The following PXDNL variants were observed in gnomAD, a reference collection of about 807,000 sequenced individuals.
PXDNL encodes probable oxidoreductase PXDNL.
PXDNL carries 145 observed loss-of-function variants against 150.8 expected under a neutral mutation model. The observed-to-expected ratio is 0.96, with a 90% CI of 0.84 to 1.10. PXDNL has a LOEUF of 1.10. Among genes scored for constraint, PXDNL ranks in the 50% least tolerant of loss-of-function variants. The pLI is 0.00. For synonymous variants in PXDNL, 757 were observed against 725.7 expected (o/e 1.04, Z -0.69); for missense variants, 2,087 against 1,873.9 (o/e 1.11, Z -2.10).
intron 1 of PXDNL, among the ~76,000 whole-genome samples, chr8:51,662,413 GA>G (rs1423899138): frequency 1.3e-5 from 2 of 152,292 alleles, no homozygotes; most frequent in Admixed American, 6.5e-5. Context: ...AGCTACTTGG[GA>G]GGCTGAGGCA....
At chr8:51,793,282 TAAC>T (rs1474167412) in intron 1 of PXDNL, among the ~76,000 whole-genome samples, 1 of 151,870 alleles carries the variant, frequency 6.6e-6, no homozygotes, top group Non-Finnish European at 1.5e-5. Flanking sequence ...AAAGCAACAA[TAAC>T]AACAACAGCA....
chr8:51,522,452 TTATAG>T (rs1253457070), intron 4 of PXDNL, among the ~76,000 whole-genome samples: 2 of 152,264 alleles, frequency 1.3e-5, no homozygotes, highest in South Asian at 2.1e-4. Context: ...ATTGAAAAAC[TTATAG>T]TAGAGTAGAG....
chr8:51,765,678 TATC>T (rs1370512583), intron 1 of PXDNL, among the ~76,000 whole-genome samples: 8 of 152,172 alleles, frequency 5.3e-5, no homozygotes, highest in Admixed American at 2.6e-4. Context: ...TATTAATTTG[TATC>T]ATATTTCATT....
chr8:51,702,760 T>G (rs1037035142), intron 1 of PXDNL, among the ~76,000 whole-genome samples: 2 of 152,202 alleles, frequency 1.3e-5, no homozygotes, highest in Non-Finnish European at 2.9e-5. Context: ...AGAACTGTAC[T>G]TAGAGCATCA....
At chr8:51,446,555 T>G (rs893001884) in intron 12 of PXDNL, among the ~76,000 whole-genome samples, 10 of 152,162 alleles carry the variant, frequency 6.6e-5, no homozygotes, top group Non-Finnish European at 8.8e-5. Flanking sequence ...ACAATATATA[T>G]TATGTAGGAT....
At chr8:51,578,670 GA>G (rs200549632) in intron 3 of PXDNL, among the ~76,000 whole-genome samples, 2 of 151,074 alleles carry the variant, frequency 1.3e-5, no homozygotes, top group Non-Finnish European at 3.0e-5. Flanking sequence ...TAAAAATTTT[GA>G]AAAAAAATAA....
chr8:51,465,098 C>T (rs1810175153), intron 8 of PXDNL, among the ~76,000 whole-genome samples: 1 of 151,904 alleles, frequency 6.6e-6, no homozygotes, highest in Non-Finnish European at 1.5e-5. Flanking sequence ...AGAGACACAA[C>T]AAAAAAGGAA....
At chr8:51,597,382 G>T (rs1813592974) in intron 2 of PXDNL, among the ~76,000 whole-genome samples, 5 of 151,976 alleles carry the variant, frequency 3.3e-5, no homozygotes, top group Admixed American at 3.3e-4. Flanking sequence ...TTTGGTTTTT[G>T]GAGGTATTTA....
chr8:51,655,110 T>C (rs957318562), intron 1 of PXDNL, among the ~76,000 whole-genome samples: 8 of 152,196 alleles, frequency 5.3e-5, no homozygotes, highest in Non-Finnish European at 1.0e-4. Context: ...GTTGAGTACA[T>C]TTAGTTTGGA....
At chr8:51,367,317 A>C (rs1413816445) in intron 19 of PXDNL, among the ~76,000 whole-genome samples, 1 of 151,934 alleles carries the variant, frequency 6.6e-6, no homozygotes. Context: ...AAAACCAAAA[A>C]CCATGGAAAA....
intron 12 of PXDNL, among the ~76,000 whole-genome samples, chr8:51,438,462 A>C (rs761977157): frequency 6.6e-6 from 1 of 152,330 alleles, no homozygotes; most frequent in Middle Eastern, 3.4e-3. Flanking sequence ...TTATAAAAAT[A>C]GGCACATATT....
At chr8:51,350,936 C>A (rs2130718876) in intron 19 of PXDNL, among the ~76,000 whole-genome samples, 1 of 152,278 alleles carries the variant, frequency 6.6e-6, no homozygotes, top group South Asian at 2.1e-4. Context: ...AAAGTGGCTT[C>A]TAGTTCTCAT....
rs183946307 is a variant in PXDNL, at chr8:51,687,181, G to A, written c.165-32421C>T. On this transcript the variant is annotated intron_variant, in intron 1 of 22. Coordinates refer to ENST00000356297, the MANE Select transcript of PXDNL (RefSeq NM_144651.5). ...ATATATACGTTTCTACTTAATATAGGTTAAATAGTCAGCGGTAGCAAGAAT... is the reference window on the plus strand; with the variant it reads ...ATATATACGTTTCTACTTAATATAGATTAAATAGTCAGCGGTAGCAAGAAT... 2.6e-5 allele frequency among the ~76,000 whole-genome samples: 4 copies of A among 152,206 alleles called. No individual in the cohort carries two copies. In the East Asian group the frequency reaches 5.8e-4, roughly 22 times the overall value.
intron 1 of PXDNL, among the ~76,000 whole-genome samples, chr8:51,685,504 C>G (rs1350916872): frequency 2.0e-5 from 3 of 152,208 alleles, no homozygotes; most frequent in Non-Finnish European, 2.9e-5. Context: ...CCTAGTCTCA[C>G]CGCTGCCTAC....
intron 19 of PXDNL, among the ~76,000 whole-genome samples, chr8:51,363,394 C>T (rs1468959909): frequency 6.6e-6 from 1 of 152,084 alleles, no homozygotes; most frequent in East Asian, 1.9e-4. Flanking sequence ...TTTCGCAAGA[C>T]TCACGTCTGA....
intron 2 of PXDNL, among the ~76,000 whole-genome samples, chr8:51,647,068 C>T (rs1814936150): frequency 6.6e-6 from 1 of 152,048 alleles, no homozygotes; most frequent in Non-Finnish European, 1.5e-5. Flanking sequence ...CATTTTGGAG[C>T]TTTCTTTTTG....
chr8:51,540,951 T>G (rs980358953), intron 4 of PXDNL, among the ~76,000 whole-genome samples: 3 of 136,966 alleles, frequency 2.2e-5, no homozygotes, highest in South Asian at 2.2e-4. Context: ...ATGTTGTTAT[T>G]TTTTTTTTCA....
chr8:51,585,356 C>A (rs1265472928), intron 3 of PXDNL, among the ~76,000 whole-genome samples: 1 of 152,064 alleles, frequency 6.6e-6, no homozygotes, highest in East Asian at 1.9e-4. Flanking sequence ...ATATGTTCCA[C>A]CTCAGGGAGG....
At chr8:51,779,324 G>C (rs1399109642) in intron 1 of PXDNL, among the ~76,000 whole-genome samples, 2 of 152,178 alleles carry the variant, frequency 1.3e-5, no homozygotes, top group Admixed American at 1.3e-4. Flanking sequence ...ACGGCGAGGC[G>C]AAGTCCCTGT....
Sources: gnomAD v4.1 joint callset for allele counts (sites outside exome capture counted in the v4.1 genomes callset) on GRCh38, gnomAD v4.1.1 for gene constraint, MANE v1.5 for transcripts, NCBI Gene and HGNC (gene_info 2026-07-23, HGNC 2026-07-21) for gene names.